Variants in RSF1 observed in about 807,000 individuals in gnomAD.
RSF1 encodes HBV pX-associated protein 8.
Under a neutral mutation model 145.2 loss-of-function variants are expected in RSF1, and 13 were observed. That is an observed-to-expected ratio of 0.09 (90% CI 0.06 to 0.14). The LOEUF (loss-of-function observed/expected upper bound fraction) is 0.14. RSF1 is among the 10% of genes least tolerant of loss of function. The pLI is 1.00. For synonymous variants in RSF1, 577 were observed against 592.6 expected (o/e 0.97, Z 0.38); for missense variants, 1,517 against 1,718.2 (o/e 0.88, Z 2.07).
In RSF1 at chr11:77,772,863, A is replaced by G. The variant is rs896765640; in HGVS notation, c.188-8174T>C. On this transcript the variant is annotated intron_variant, in intron 1 of 15. Coordinates refer to ENST00000308488, the MANE Select transcript of RSF1 (RefSeq NM_016578.4). Reference sequence around the variant, plus strand: ...GCCCAAGATGGAAAAAAAAAAAAAAAAAAAAAAAGGGCCAAGAAGAACGTA... The same window carrying G: ...GCCCAAGATGGAAAAAAAAAAAAAAGAAAAAAAAGGGCCAAGAAGAACGTA... Among the ~76,000 whole-genome samples the G allele has an allele frequency of 6.6e-5, 10 of 151,482 alleles. No homozygotes were observed. In the East Asian group the frequency reaches 1.9e-3, roughly 29 times the overall value.
chr11:77,826,244 C>G, the RSF1 span, among the ~76,000 whole-genome samples: 6 of 151,994 alleles, frequency 3.9e-5, no homozygotes, highest in East Asian at 9.7e-4. Context: ...TGCCTGTAGT[C>G]CCAGCTACTC....
At chr11:77,791,517 T>C (rs1948517083) in intron 1 of RSF1, among the ~76,000 whole-genome samples, 1 of 152,222 alleles carries the variant, frequency 6.6e-6, no homozygotes, top group Admixed American at 6.5e-5. Flanking sequence ...GTTTTTCTTT[T>C]CTATTGTCAG....
intron 7 of RSF1, among the ~76,000 whole-genome samples, chr11:77,697,487 A>AAT (rs1275274461): frequency 6.8e-5 from 1 of 14,740 alleles, no homozygotes; most frequent in Non-Finnish European, 1.1e-4. Context: ...TATAATATAT[A>AAT]ATATATATAA....
chr11:77,767,966 A>AGAT lies in RSF1; in HGVS notation c.188-3280_188-3278dup, dbSNP rs540313770. Among the ~76,000 whole-genome samples, 713 of 152,316 alleles carry AGAT rather than the reference A, an allele frequency of 4.7e-3. 5 individuals carry two copies. The highest frequency in any genetic ancestry group is 0.015 in the African/African-American group (631 of 41,576). On this transcript the variant is annotated intron_variant, in intron 1 of 15. Transcript: ENST00000308488. ...ATTGTTGATTTAGGCATGTACAAAT[A>AGAT]GATTATGTATTACTTGATTTAAAAG...
chr11:77,862,788 T>C, the RSF1 span, among the ~76,000 whole-genome samples: 1 of 152,346 alleles, frequency 6.6e-6, no homozygotes, highest in South Asian at 2.1e-4. Context: ...TAATTTATAC[T>C]TCCCTCAGGA....
intron 4 of RSF1, among the ~76,000 whole-genome samples, chr11:77,733,183 C>G (rs994920549): frequency 1.1e-4 from 17 of 152,134 alleles, no homozygotes; most frequent in Admixed American, 1.1e-3. Context: ...TTTACATATA[C>G]AAGAAGGTGT....
chr11:77,667,158 T>C lies in RSF1; in HGVS notation c.4085A>G (p.Asp1362Gly), dbSNP rs1169595905. ...ENVGKVGSPL[D>G]YSLVDLPSTN... ...TGAAGGTAAGTCCACTAAGCTATAG[T>C]CCAATGGGCTCCCCACTTTGCCTAC... Residue 1362 changes from aspartate (D) to glycine (G), a missense_variant, in exon 16 of 16, where the codon GAC (aspartate) becomes GGC (glycine). Transcript: ENST00000308488. The C allele has an allele frequency of 6.2e-7, 1 of 1,614,210 alleles. No homozygotes were observed. The highest frequency in any genetic ancestry group is 1.7e-5 in the Admixed American group (1 of 60,032).
At chr11:77,761,326 G>A (rs1193052447) in intron 2 of RSF1, among the ~76,000 whole-genome samples, 1 of 151,550 alleles carries the variant, frequency 6.6e-6, no homozygotes, top group Non-Finnish European at 1.5e-5. Flanking sequence ...ATTCGTATTT[G>A]CTTTCATTTT....
the RSF1 span, among the ~76,000 whole-genome samples, chr11:77,857,843 C>T: frequency 2.1e-4 from 32 of 151,846 alleles, no homozygotes; most frequent in Admixed American, 2.0e-3. Flanking sequence ...ACGACAGGTG[C>T]GCACCACCAT....
At chr11:77,841,078 G>A in the RSF1 span, 3 of 641,138 alleles carry the variant, frequency 4.7e-6, no homozygotes, top group African/African-American at 1.8e-5. Context: ...CCTTCTTGCT[G>A]CATCATCCTA....
intron 2 of RSF1, chr11:77,762,809 C>T (rs1384779768): frequency 2.0e-5 from 3 of 152,112 alleles, no homozygotes; most frequent in African/African-American, 7.2e-5. Context: ...ATTCCATTTA[C>T]TTCAAAAGGA....
chr11:77,672,338 T>C, intron 14 of RSF1, 108 bp from the exon 15 acceptor site: 1 of 866,694 alleles, frequency 1.2e-6, no homozygotes, highest in South Asian at 1.9e-5. Context: ...CATAAATATT[T>C]TTAAGTGAAC....
At chr11:77,685,688 A>G (rs1959985001) in intron 9 of RSF1, among the ~76,000 whole-genome samples, 1 of 152,214 alleles carries the variant, frequency 6.6e-6, no homozygotes, top group South Asian at 2.1e-4. Context: ...ATCTTTCAGA[A>G]ATGACTTACA....
chr11:77,747,471 TTTA>T (rs1948013998), intron 2 of RSF1, among the ~76,000 whole-genome samples: 1 of 152,174 alleles, frequency 6.6e-6, no homozygotes, highest in African/African-American at 2.4e-5. Flanking sequence ...ATGACAAAAA[TTTA>T]TTCATCTTTT....
intron 4 of RSF1, among the ~76,000 whole-genome samples, chr11:77,737,165 G>A (rs1961373968): frequency 6.6e-6 from 1 of 152,138 alleles, no homozygotes; most frequent in Non-Finnish European, 1.5e-5. Flanking sequence ...AGAAAACTAT[G>A]CGATGGGTAT....
chr11:77,661,167 G>C lies in RSF1; in HGVS notation c.*5750C>G, dbSNP rs1959228039. On this transcript the variant is annotated 3_prime_UTR_variant, in exon 16 of 16. Transcript: ENST00000308488. ...GTTTTTTCCTTCTTTTATATGAATAGATTAAAATCAAGCCCTGCTCTACCA... is the reference window on the plus strand; with the variant it reads ...GTTTTTTCCTTCTTTTATATGAATACATTAAAATCAAGCCCTGCTCTACCA... The C allele has an allele frequency of 6.6e-6, 1 of 152,104 alleles. No individual in the cohort carries two copies. 9.4% of individuals were successfully genotyped at this position (152,104 alleles called of 1,614,324 possible).
chr11:77,701,412 A>T lies in RSF1; in HGVS notation c.1817T>A (p.Ile606Lys). ...LDKDAQRLSP[I>K]PEEVPKSTLE... ...AGTACTCTTTGGAACTTCTTCTGGT[A>T]TTGGACTCAATCTTTGTGCGTCCTT... The change falls in exon 6 of 16, where the codon ATA (isoleucine) becomes AAA (lysine). Residue 606 changes from isoleucine (I) to lysine (K), a missense_variant. Coordinates refer to ENST00000308488, the MANE Select transcript of RSF1 (RefSeq NM_016578.4). The T allele has an allele frequency of 6.2e-7, 1 of 1,614,108 alleles. No homozygotes were observed. Among genetic ancestry groups the T allele is most frequent in the East Asian group, 2.2e-5 (1 of 44,876 alleles).
Position 77,661,456 on chromosome 11 carries a change from T to G in RSF1, c.*5461A>C, listed in dbSNP as rs1230187574. 3 of 151,254 alleles carry G rather than the reference T, an allele frequency of 2.0e-5. No individual in the cohort carries two copies. The highest frequency in any genetic ancestry group is 1.5e-5 in the Non-Finnish European group (1 of 67,994). The allele number at this position is 151,254 out of a possible 1,614,324, so 9.4% of individuals were successfully genotyped here. The stretch of plus-strand genomic sequence containing the variant: ...AGCTAGATGTGTGTGTGTGTGTGTG[T>G]GTGTGTGCAATTTTCATGCAGTGAC... On this transcript the variant is annotated 3_prime_UTR_variant, in exon 16 of 16. Coordinates refer to ENST00000308488, the MANE Select transcript of RSF1 (RefSeq NM_016578.4).
the RSF1 span, among the ~76,000 whole-genome samples, chr11:77,861,624 G>A: frequency 4.6e-5 from 7 of 152,146 alleles, no homozygotes; most frequent in East Asian, 5.8e-4. Flanking sequence ...TTGACATAAC[G>A]GGCATGGACG....
Sources: gnomAD v4.1 joint callset for allele counts (sites outside exome capture counted in the v4.1 genomes callset) on GRCh38, gnomAD v4.1.1 for gene constraint, MANE v1.5 for transcripts, NCBI Gene and HGNC (gene_info 2026-07-23, HGNC 2026-07-21) for gene names.